The following CSGALNACT1 variants were observed in gnomAD, a reference collection of about 807,000 sequenced individuals.
The protein encoded by CSGALNACT1 is beta4GalNAcT-1.
In CSGALNACT1, 52 loss-of-function variants were observed where a neutral mutation model predicts 51.0. The ratio of observed to expected loss-of-function variants is 1.02; its 90% CI spans 0.82 to 1.29. CSGALNACT1 has a LOEUF of 1.29. CSGALNACT1 is among the 50% of genes most tolerant of loss of function. The probability of loss-of-function intolerance (pLI) is 0.00; values close to 1 mark genes in which losing one functional copy is unlikely to be tolerated. For missense variants in CSGALNACT1, 935 were observed against 679.2 expected (o/e 1.38, Z -4.19); for synonymous variants, 341 against 254.4 (o/e 1.34, Z -3.24).
In CSGALNACT1 at chr8:19,697,289, A is replaced by T. The variant is rs374394331; in HGVS notation, c.-297+60561T>A. Among the ~76,000 whole-genome samples the T allele has an allele frequency of 5.3e-5, 8 of 152,192 alleles. No individual in the cohort carries two copies. The East Asian group carries it at 7.7e-4, about 15-fold the overall frequency. ...TAGAGGCAGTTTCATGGTCTTACTGACCCTGAACTGAGGGTTGCAAGCAAG... is the reference window on the plus strand; with the variant it reads ...TAGAGGCAGTTTCATGGTCTTACTGTCCCTGAACTGAGGGTTGCAAGCAAG... On this transcript the variant is annotated intron_variant, in intron 1 of 1. Coordinates refer to the CSGALNACT1 transcript ENST00000517494.
At chr8:19,754,666 G>T (rs1258349451) in intron 1 of CSGALNACT1, among the ~76,000 whole-genome samples, 2 of 152,028 alleles carry the variant, frequency 1.3e-5, no homozygotes, top group African/African-American at 2.4e-5. Flanking sequence ...TTATTTTTAG[G>T]CCTTTGGCTA....
At chr8:19,423,224 TC>T (rs530541255) in intron 6 of CSGALNACT1, among the ~76,000 whole-genome samples, 7 of 152,052 alleles carry the variant, frequency 4.6e-5, no homozygotes, top group African/African-American at 1.4e-4. Flanking sequence ...ATCAAGAATC[TC>T]CCCCTTGAAC....
At chr8:19,567,459 C>G (rs1023018886) in intron 3 of CSGALNACT1, among the ~76,000 whole-genome samples, 1 of 152,166 alleles carries the variant, frequency 6.6e-6, no homozygotes, top group African/African-American at 2.4e-5. Flanking sequence ...TCATCATCCA[C>G]CAGAAATAGA....
At chr8:19,552,198 G>A (rs1018045707) in intron 3 of CSGALNACT1, among the ~76,000 whole-genome samples, 12 of 152,178 alleles carry the variant, frequency 7.9e-5, no homozygotes, top group African/African-American at 2.9e-4. Flanking sequence ...TGGCCATTGA[G>A]TAGATGAAGA....
chr8:19,677,472 A>G (rs1296852153), intron 1 of CSGALNACT1, among the ~76,000 whole-genome samples: 1 of 152,192 alleles, frequency 6.6e-6, no homozygotes, highest in Non-Finnish European at 1.5e-5. Flanking sequence ...ACAGTAGAGA[A>G]GAAAAACTAA....
chr8:19,692,360 T>C (rs2061376016), intron 1 of CSGALNACT1, among the ~76,000 whole-genome samples: 1 of 152,232 alleles, frequency 6.6e-6, no homozygotes, highest in African/African-American at 2.4e-5. Context: ...GGAGAACCAC[T>C]GAGCTACTGT....
At chr8:19,594,081 A>T (rs1213789771) in intron 2 of CSGALNACT1, among the ~76,000 whole-genome samples, 1 of 152,162 alleles carries the variant, frequency 6.6e-6, no homozygotes, top group Non-Finnish European at 1.5e-5. Flanking sequence ...GTTTGAGCTG[A>T]GGGTACATAT....
At position 19,610,117 on chromosome 8, in the gene CSGALNACT1, C is replaced by T. The variant is rs1306500606; in HGVS notation, c.-543-8252G>A. 2.0e-5 allele frequency among the ~76,000 whole-genome samples: 3 copies of T among 151,042 alleles called. No individual in the cohort carries two copies. The East Asian group carries it at 5.9e-4, about 30-fold the overall frequency. On this transcript the variant is annotated intron_variant, in intron 1 of 9. Coordinates refer to the CSGALNACT1 transcript ENST00000332246. ...GGTGCCTGTAACCCCAGCTAAAACC[C>T]CGTCTCTACTAAAAATACAAAAATT...
chr8:19,621,901 C>G (rs2053871796), intron 1 of CSGALNACT1, among the ~76,000 whole-genome samples: 1 of 152,212 alleles, frequency 6.6e-6, no homozygotes, highest in Non-Finnish European at 1.5e-5. Flanking sequence ...ATTTTTTGTG[C>G]TATTCACAAT....
At chr8:19,665,450 G>C (rs546763267) in intron 1 of CSGALNACT1, among the ~76,000 whole-genome samples, 1 of 152,142 alleles carries the variant, frequency 6.6e-6, no homozygotes, top group Non-Finnish European at 1.5e-5. Context: ...AACTCAGAAG[G>C]AGTAAGAGGC....
At chr8:19,573,447 T>G (rs1746966686) in intron 3 of CSGALNACT1, among the ~76,000 whole-genome samples, 1 of 139,516 alleles carries the variant, frequency 7.2e-6, no homozygotes, top group South Asian at 2.4e-4. Context: ...AATATTCCAA[T>G]TTTTTTTTTT....
At position 19,601,990 on chromosome 8, in the gene CSGALNACT1, A is replaced by G; in HGVS notation, c.-511+2T>C. On this transcript the variant is annotated splice_donor_variant, in intron 1 of 9. Transcript: ENST00000454498. LOFTEE classifies it low-confidence loss of function (5UTR_SPLICE). Reference sequence around the variant, plus strand: ...AAAATACAATGCATCTGAAAGTATTACCCCAAAAAGCAGGATGGTATTTGT... The same window carrying G: ...AAAATACAATGCATCTGAAAGTATTGCCCCAAAAAGCAGGATGGTATTTGT... The G allele has an allele frequency of 2.5e-6, 1 of 394,288 alleles. No individual in the cohort carries two copies. Among genetic ancestry groups the G allele is most frequent in the Non-Finnish European group, 5.0e-6 (1 of 198,766 alleles). The allele number at this position is 394,288 out of a possible 1,614,324, so 24.4% of individuals were successfully genotyped here. A position where few individuals can be genotyped will look rare whatever the true frequency, so the allele number is the denominator to read the frequency against.
intron 4 of CSGALNACT1, among the ~76,000 whole-genome samples, chr8:19,472,515 G>C (rs2068430323): frequency 6.6e-6 from 1 of 152,154 alleles, no homozygotes; most frequent in Non-Finnish European, 1.5e-5. Flanking sequence ...CTTTCAAAGA[G>C]GTAAGCCATT....
intron 1 of CSGALNACT1, among the ~76,000 whole-genome samples, chr8:19,698,065 C>G (rs531491654): frequency 7.4e-6 from 1 of 135,984 alleles, no homozygotes; most frequent in African/African-American, 2.7e-5. Flanking sequence ...GGGAGCTCCA[C>G]TGCGGGGGCT....
intron 4 of CSGALNACT1, among the ~76,000 whole-genome samples, chr8:19,462,573 A>G (rs576018389): frequency 6.6e-6 from 1 of 152,316 alleles, no homozygotes; most frequent in African/African-American, 2.4e-5. Flanking sequence ...TCATCAGCCC[A>G]GGGTGACAGA....
At chr8:19,430,940 A>T (rs1206327451) in intron 6 of CSGALNACT1, among the ~76,000 whole-genome samples, 1 of 151,972 alleles carries the variant, frequency 6.6e-6, no homozygotes, top group African/African-American at 2.4e-5. Flanking sequence ...CCTTTTTTAT[A>T]TTACTATGAA....
chr8:19,726,427 A>G (rs945228633), intron 1 of CSGALNACT1, among the ~76,000 whole-genome samples: 12 of 152,160 alleles, frequency 7.9e-5, no homozygotes, highest in Admixed American at 5.9e-4. Flanking sequence ...TTTTGTTTTC[A>G]TGTTTACTTT....
intron 1 of CSGALNACT1, among the ~76,000 whole-genome samples, chr8:19,647,723 A>G (rs1331165917): frequency 1.3e-5 from 2 of 152,220 alleles, no homozygotes; most frequent in Non-Finnish European, 2.9e-5. Context: ...CAACATTACC[A>G]AGTGCAAGTC....
intron 2 of CSGALNACT1, among the ~76,000 whole-genome samples, chr8:19,594,896 T>C (rs1307305353): frequency 6.6e-6 from 1 of 152,116 alleles, no homozygotes; most frequent in Non-Finnish European, 1.5e-5. Context: ...GGACCTTTAC[T>C]CCTTTTATAT....
Sources: allele counts gnomAD v4.1 joint callset (sites outside exome capture counted in the v4.1 genomes callset), GRCh38; gene constraint gnomAD v4.1.1; transcripts MANE v1.5; gene names NCBI Gene and HGNC (gene_info 2026-07-23, HGNC 2026-07-21).